FAS: variants seen among roughly 807,000 people sequenced by gnomAD.
FAS encodes tumor necrosis factor receptor superfamily member 6.
Under a neutral mutation model 33.2 loss-of-function variants are expected in FAS, and 5 were observed. The observed-to-expected ratio is 0.15, with a 90% CI of 0.08 to 0.32. The LOEUF is 0.32. Among genes scored for constraint, FAS ranks in the 10% least tolerant of loss-of-function variants. FAS has a pLI of 1.00. For synonymous variants in FAS, 131 were observed against 130.7 expected (o/e 1.00, Z -0.01); for missense variants, 339 against 386.0 (o/e 0.88, Z 1.02).
intron 1 of FAS, among the ~76,000 whole-genome samples, chr10:88,996,660 C>T (rs1847611747): frequency 6.6e-6 from 1 of 151,968 alleles, no homozygotes; most frequent in South Asian, 2.1e-4. Flanking sequence ...GTAATTAGCT[C>T]GATTTAGCTA....
intron 1 of FAS, 60 bp from the exon 2 acceptor site, chr10:89,002,969 G>A: frequency 6.2e-7 from 1 of 1,603,084 alleles, no homozygotes; most frequent in Non-Finnish European, 8.5e-7. Flanking sequence ...GGTTACACTT[G>A]TTTACCACGT....
At chr10:88,979,393 G>A (rs942821235) in intron 2 of FAS, among the ~76,000 whole-genome samples, 17 of 152,154 alleles carry the variant, frequency 1.1e-4, no homozygotes, top group Middle Eastern at 3.2e-3. Context: ...AAAGAGAGAC[G>A]TTCACAAGGA....
At chr10:88,985,262 T>C (rs1333560407), upstream of FAS, among the ~76,000 whole-genome samples, 1 of 152,210 alleles carries the variant, frequency 6.6e-6, no homozygotes, top group Non-Finnish European at 1.5e-5. Context: ...CTAGGATTTA[T>C]ATCTAGGGAC....
intron 2 of FAS, among the ~76,000 whole-genome samples, chr10:88,975,581 G>C (rs867870881): frequency 6.6e-6 from 1 of 152,104 alleles, no homozygotes; most frequent in Non-Finnish European, 1.5e-5. Context: ...GTGGGCTCTG[G>C]GCTTAGGAAA....
At chr10:88,988,145 C>T (rs1043102464), upstream of FAS, among the ~76,000 whole-genome samples, 3 of 152,070 alleles carry the variant, frequency 2.0e-5, no homozygotes, top group Non-Finnish European at 2.9e-5. Flanking sequence ...TTCTATTTCT[C>T]TAGAGAACCC....
chr10:89,016,850 G>C lies in FAS; in HGVS notation c.*2400G>C, dbSNP rs2119492692. On this transcript the variant is annotated 3_prime_UTR_variant, in exon 9 of 9. Coordinates refer to ENST00000652046, the MANE Select transcript of FAS (RefSeq NM_000043.6). ...TCTTCTTTATTGGCATGCCCACAGGGTCTTCTGACCTCTGATTAGATCAGA... is the reference window on the plus strand; with the variant it reads ...TCTTCTTTATTGGCATGCCCACAGGCTCTTCTGACCTCTGATTAGATCAGA... 4.8e-6 allele frequency: 1 copy of C among 206,186 alleles called. No individual in the cohort carries two copies. Among genetic ancestry groups the C allele is most frequent in the African/African-American group, 2.3e-5 (1 of 43,902 alleles). The allele number at this position is 206,186 out of a possible 1,614,324, so 12.8% of individuals were successfully genotyped here.
intron 1 of FAS, among the ~76,000 whole-genome samples, chr10:88,999,031 T>C (rs573375679): frequency 6.6e-6 from 1 of 152,090 alleles, no homozygotes; most frequent in African/African-American, 2.4e-5. Flanking sequence ...TGCACATCTG[T>C]AGTCCCAGCT....
Position 89,016,483 on chromosome 10 carries a change from C to G in FAS, c.*2033C>G, listed in dbSNP as rs1848810043. ...AAGACAAGATTAAGTTAGAGAACAC[C>G]CTATTCCACTTTGGTGAACTCAGAG... On this transcript the variant is annotated 3_prime_UTR_variant, in exon 9 of 9. Coordinates refer to ENST00000652046, the MANE Select transcript of FAS (RefSeq NM_000043.6). The G allele has an allele frequency of 4.4e-6, 1 of 225,036 alleles. No individual in the cohort carries two copies. Among genetic ancestry groups the G allele is most frequent in the African/African-American group, 2.2e-5 (1 of 44,866 alleles). The allele number at this position is 225,036 out of a possible 1,614,324, so 13.9% of individuals were successfully genotyped here.
At chr10:89,003,327 T>C in intron 2 of FAS, 133 bp downstream of exon 2, 4 of 941,258 alleles carry the variant, frequency 4.2e-6, no homozygotes, top group South Asian at 1.6e-5. Context: ...GAAAAACAAC[T>C]ATGAAATTAT....
At chr10:88,964,783 T>G (rs977430070) in intron 1 of FAS, among the ~76,000 whole-genome samples, 12 of 152,162 alleles carry the variant, frequency 7.9e-5, no homozygotes, top group Admixed American at 7.9e-4. Flanking sequence ...TCTCCTTCCC[T>G]GTTTGCAGCT....
At chr10:88,989,246 T>C (rs182944920), upstream of FAS, among the ~76,000 whole-genome samples, 1 of 152,298 alleles carries the variant, frequency 6.6e-6, no homozygotes, top group African/African-American at 2.4e-5. Flanking sequence ...ATTTTGTCAA[T>C]TGTCCTTTCC....
chr10:88,994,750 T>G (rs1258686987), intron 1 of FAS, among the ~76,000 whole-genome samples: 2 of 151,828 alleles, frequency 1.3e-5, no homozygotes, highest in Non-Finnish European at 2.9e-5. Flanking sequence ...TTATCTCATA[T>G]TTTTTATTGG....
intron 1 of FAS, among the ~76,000 whole-genome samples, chr10:89,002,197 A>C (rs778744513): frequency 1.1e-4 from 16 of 152,160 alleles, no homozygotes; most frequent in Non-Finnish European, 1.5e-4. Flanking sequence ...GATGGAGTAA[A>C]ATATTTAGGA....
At chr10:88,980,858 T>A (rs1482947157) in intron 2 of FAS, among the ~76,000 whole-genome samples, 1 of 152,200 alleles carries the variant, frequency 6.6e-6, no homozygotes, top group African/African-American at 2.4e-5. Flanking sequence ...GAGAGATAAT[T>A]TTCCCAGACT....
rs747228213 is a variant in FAS, at chr10:89,003,201, T to A, written c.196+7T>A. The A allele has an allele frequency of 6.2e-7, 1 of 1,614,032 alleles. No homozygotes were observed. Among genetic ancestry groups the A allele is most frequent in the Non-Finnish European group, 8.5e-7 (1 of 1,179,920 alleles). ...CATAAGCCCTGTCCTCCAGGTATGTTACACAAAACATCCAGAGATTACAGT... is the reference window on the plus strand; with the variant it reads ...CATAAGCCCTGTCCTCCAGGTATGTAACACAAAACATCCAGAGATTACAGT... On this transcript the variant is annotated splice_region_variant and intron_variant, in intron 2 of 8. Coordinates refer to ENST00000652046, the MANE Select transcript of FAS (RefSeq NM_000043.6).
At chr10:88,982,470 A>AATATG (rs1284871376), upstream of FAS, among the ~76,000 whole-genome samples, 1 of 152,070 alleles carries the variant, frequency 6.6e-6, no homozygotes, top group Non-Finnish European at 1.5e-5. Context: ...TAAATGGCAG[A>AATATG]ATATGTGGTA....
chr10:88,999,127 C>G (rs1417763911), intron 1 of FAS, among the ~76,000 whole-genome samples: 4 of 149,634 alleles, frequency 2.7e-5, no homozygotes, highest in Non-Finnish European at 4.4e-5. Flanking sequence ...CACCTCCAGC[C>G]TGGCAACAGA....
chr10:88,990,846 C>A lies in FAS; in HGVS notation c.-31C>A, dbSNP rs775127863. On this transcript the variant is annotated 5_prime_UTR_variant, in exon 1 of 9. Transcript: ENST00000652046. The surrounding 1 kb of genome is among the most constrained non-coding windows in gnomAD (Gnocchi z 4.9). ...CCCGCTCAGTACGGAGTTGGGGAAG[C>A]TCTTTCACTTCGGAGGATTGCTCAA... The A allele has an allele frequency of 2.1e-5, 34 of 1,614,120 alleles. No individual in the cohort carries two copies. The South Asian group carries it at 3.6e-4, about 17-fold the overall frequency.
chr10:88,991,074 G>C, intron 1 of FAS, 168 bp downstream of exon 1: 4 of 808,938 alleles, frequency 4.9e-6, no homozygotes, highest in Non-Finnish European at 8.1e-6. Flanking sequence ...CCCGGGGGCT[G>C]TTAGGACCTT....
Sources: gnomAD v4.1 joint callset for allele counts (sites outside exome capture counted in the v4.1 genomes callset) on GRCh38, gnomAD v4.1.1 for gene constraint, Gnocchi (gnomAD v3.1) non-coding constraint, MANE v1.5 for transcripts, NCBI Gene and HGNC (gene_info 2026-07-23, HGNC 2026-07-21) for gene names.